Variants in NUP62CL observed in about 807,000 individuals in gnomAD.
The protein encoded by NUP62CL is nucleoporin 62 C-terminal like, also known as nucleoporin-62 C-terminal-like protein.
NUP62CL carries 13 observed loss-of-function variants against 15.3 expected under a neutral mutation model. That is an observed-to-expected ratio of 0.85 (90% CI 0.55 to 1.35). NUP62CL has a LOEUF of 1.35. NUP62CL is among the 40% of genes most tolerant of loss of function. The pLI is 0.00. For synonymous variants in NUP62CL, 54 were observed against 49.2 expected, an observed-to-expected ratio of 1.10 and a Z score of -0.41; for missense variants, 123 against 130.6, an observed-to-expected ratio of 0.94 and a Z score of 0.28.
At chrX:107,153,898 G>C (rs956985066) in intron 5 of NUP62CL, among the ~76,000 whole-genome samples, 198 bp downstream of exon 5, 27 of 111,489 alleles carry the variant, frequency 2.4e-4, no homozygotes, top group African/African-American at 7.8e-4. Context: ...GCTTGAGCCA[G>C]GGAGATCGAG....
chrX:107,163,597 CG>C (rs1296327065), intron 4 of NUP62CL, among the ~76,000 whole-genome samples: 1 of 111,463 alleles, frequency 9.0e-6, no homozygotes. Context: ...AACAATATAC[CG>C]TCTATAAGAA....
intron 1 of NUP62CL, among the ~76,000 whole-genome samples, chrX:107,197,408 C>T (rs1045703209): frequency 2.7e-5 from 3 of 110,399 alleles, no homozygotes; most frequent in Non-Finnish European, 3.8e-5. Flanking sequence ...GTCTGTACTC[C>T]CTATCTGTGG....
At chrX:107,131,671 AGAAGAGGAG>A in intron 8 of NUP62CL, 1 of 635,692 alleles carries the variant, frequency 1.6e-6, no homozygotes. Flanking sequence ...TGGAGGATGG[AGAAGAGGAG>A]GAAGAGGAGG....
At chrX:107,195,563 A>T (rs919091180) in intron 1 of NUP62CL, among the ~76,000 whole-genome samples, 5 of 112,648 alleles carry the variant, frequency 4.4e-5, no homozygotes, top group South Asian at 7.3e-4. Context: ...TGGCTGAGAT[A>T]CAGCATCTTG....
chrX:107,156,259 C>G (rs1166901762), intron 4 of NUP62CL, among the ~76,000 whole-genome samples: 11 of 110,119 alleles, frequency 1.0e-4, no homozygotes, highest in African/African-American at 2.3e-4. Flanking sequence ...CGGGAAGCTC[C>G]AACTGGGTGG....
At chrX:107,150,106 C>G (rs907207569) in intron 7 of NUP62CL, among the ~76,000 whole-genome samples, 1 of 111,417 alleles carries the variant, frequency 9.0e-6, no homozygotes, top group African/African-American at 3.3e-5. Context: ...AATGTAAAGT[C>G]TCAAATAGTC....
chrX:107,187,363 TA>T (rs1025120662), intron 2 of NUP62CL, among the ~76,000 whole-genome samples: 17 of 111,164 alleles, frequency 1.5e-4, no homozygotes, highest in African/African-American at 3.9e-4. Flanking sequence ...ACGAAAACAA[TA>T]AAAAAAATTG....
chrX:107,200,739 G>A (rs1479456033), intron 1 of NUP62CL, among the ~76,000 whole-genome samples: 1 of 109,711 alleles, frequency 9.1e-6, no homozygotes, highest in African/African-American at 3.3e-5. Flanking sequence ...GCTTGGAAAG[G>A]GGATGGAGGG....
intron 8 of NUP62CL, among the ~76,000 whole-genome samples, chrX:107,145,038 G>C (rs764346625): frequency 9.0e-6 from 1 of 111,329 alleles, no homozygotes; most frequent in African/African-American, 3.3e-5. Flanking sequence ...ACTTGAACCC[G>C]TATCTATCTG....
intron 1 of NUP62CL, among the ~76,000 whole-genome samples, chrX:107,196,704 C>T (rs1380510665): frequency 2.7e-5 from 3 of 112,172 alleles, no homozygotes; most frequent in Admixed American, 9.4e-5. Flanking sequence ...CCCGCCTTAG[C>T]CTCCCCAAGT....
chrX:107,173,998 A>G (rs1272344281), intron 3 of NUP62CL, among the ~76,000 whole-genome samples: 1 of 109,035 alleles, frequency 9.2e-6, no homozygotes, highest in Admixed American at 9.7e-5. Context: ...TGCCTAAGAC[A>G]TACAAAATTC....
chrX:107,191,044 T>G (rs1393657464), intron 2 of NUP62CL, among the ~76,000 whole-genome samples: 1 of 106,385 alleles, frequency 9.4e-6, no homozygotes, highest in Non-Finnish European at 1.9e-5. Context: ...CAACTTTTTT[T>G]TTTTTTAATT....
chrX:107,160,745 CA>C (rs1356302756), intron 4 of NUP62CL, among the ~76,000 whole-genome samples: 3 of 110,883 alleles, frequency 2.7e-5, no homozygotes, highest in Admixed American at 9.6e-5. Context: ...TCCAAAACAC[CA>C]AAAGCAATGG....
At chrX:107,131,963 C>T in intron 8 of NUP62CL, 1 of 1,022,651 alleles carries the variant, frequency 9.8e-7, no homozygotes, top group Non-Finnish European at 1.4e-6. Flanking sequence ...ACTCTTCTGA[C>T]AGAGAAGAAG....
intron 1 of NUP62CL, among the ~76,000 whole-genome samples, chrX:107,196,223 T>C (rs139026441): frequency 0.023 from 2,630 of 112,114 alleles, 29 homozygotes; most frequent in Non-Finnish European, 0.037. Context: ...GGACTAAAAG[T>C]ACATTTTTGT....
intron 4 of NUP62CL, among the ~76,000 whole-genome samples, chrX:107,155,921 G>A (rs1228346914): frequency 5.4e-5 from 6 of 112,073 alleles, no homozygotes; most frequent in African/African-American, 1.9e-4. Context: ...CAGTGGGTGC[G>A]CGCACCGTGC....
At chrX:107,124,472 G>A (rs1290538898) in intron 8 of NUP62CL, 140 bp from the exon 9 acceptor site, 25 of 282,905 alleles carry the variant, frequency 8.8e-5, no homozygotes, top group Middle Eastern at 4.9e-4. Context: ...AAACACATAA[G>A]AAAAAAACAC....
chrX:107,129,733 C>A (rs1276723434), intron 8 of NUP62CL, among the ~76,000 whole-genome samples: 1 of 111,857 alleles, frequency 8.9e-6, no homozygotes, highest in Non-Finnish European at 1.9e-5. Flanking sequence ...AATGGACAAC[C>A]AAGAATCACC....
chrX:107,195,853 A>AT (rs1280083597), intron 1 of NUP62CL, among the ~76,000 whole-genome samples: 8 of 111,438 alleles, frequency 7.2e-5, no homozygotes, highest in Non-Finnish European at 1.3e-4. Context: ...TATAAATTAT[A>AT]ATATTATTAT....
Sources: allele counts gnomAD v4.1 joint callset (sites outside exome capture counted in the v4.1 genomes callset), GRCh38; gene constraint gnomAD v4.1.1; transcripts MANE v1.5; gene names NCBI Gene and HGNC (gene_info 2026-07-23, HGNC 2026-07-21).